WDR47: variants seen among roughly 807,000 people sequenced by gnomAD.
WDR47 encodes WD repeat-containing protein 47.
WDR47 carries 32 observed loss-of-function variants against 97.2 expected under a neutral mutation model. The observed-to-expected ratio is 0.33, with a 90% CI of 0.25 to 0.44. The LOEUF is 0.44. WDR47 is among the 20% of genes least tolerant of loss of function. The pLI, the probability that WDR47 is intolerant of heterozygous loss-of-function variation, is 1.00. For synonymous variants in WDR47, 375 were observed against 373.5 expected, an observed-to-expected ratio of 1.00 and a Z score of -0.05; for missense variants, 782 against 1,102.3, an observed-to-expected ratio of 0.71 and a Z score of 4.11.
intron 2 of WDR47, among the ~76,000 whole-genome samples, chr1:109,019,401 A>AT (rs1661654849): frequency 1.3e-5 from 2 of 150,458 alleles, no homozygotes; most frequent in African/African-American, 4.9e-5. Flanking sequence ...AAAAAAAAAA[A>AT]GCTGGGAGTG....
intron 8 of WDR47, among the ~76,000 whole-genome samples, chr1:108,995,299 T>C (rs746116579): frequency 9.2e-5 from 14 of 152,152 alleles, no homozygotes; most frequent in Non-Finnish European, 1.5e-4. Flanking sequence ...GATTTAGAGA[T>C]CCTAAAACTG....
chr1:109,021,328 G>C (rs1413818464), intron 2 of WDR47, among the ~76,000 whole-genome samples: 1 of 152,036 alleles, frequency 6.6e-6, no homozygotes, highest in East Asian at 1.9e-4. Context: ...AGGAGTTTGA[G>C]ACCAGCCTTG....
intron 8 of WDR47, among the ~76,000 whole-genome samples, chr1:108,994,513 G>A (rs1297953415): frequency 1.3e-5 from 2 of 152,120 alleles, no homozygotes; most frequent in Non-Finnish European, 2.9e-5. Context: ...GGAGGCTGAG[G>A]TAGGAGGATC....
intron 13 of WDR47, among the ~76,000 whole-genome samples, chr1:108,977,984 CAAAAAAAAA>C (rs953176965): frequency 2.8e-5 from 3 of 105,748 alleles, no homozygotes; most frequent in African/African-American, 1.0e-4. Context: ...AACACTCTCT[CAAAAAAAAA>C]AAAAAAAAGA....
intron 1 of WDR47, among the ~76,000 whole-genome samples, chr1:109,025,430 C>CAAA (rs34794200): frequency 2.0e-5 from 2 of 101,780 alleles, no homozygotes; most frequent in Admixed American, 1.1e-4. Flanking sequence ...GACTCTGCCT[C>CAAA]AAAAAAAAAA....
chr1:109,040,752 T>C (rs577511677), intron 1 of WDR47, among the ~76,000 whole-genome samples: 3 of 152,286 alleles, frequency 2.0e-5, no homozygotes, highest in Non-Finnish European at 4.4e-5. Flanking sequence ...AAATGGGCTC[T>C]TAGGCGTTTC....
intron 2 of WDR47, among the ~76,000 whole-genome samples, chr1:109,017,804 T>G (rs536379985): frequency 7.9e-5 from 12 of 151,614 alleles, no homozygotes; most frequent in Admixed American, 7.9e-4. Flanking sequence ...TGGAGTGCAA[T>G]GGCACAATCT....
At chr1:109,038,464 A>C (rs962363767) in intron 1 of WDR47, among the ~76,000 whole-genome samples, 2 of 151,802 alleles carry the variant, frequency 1.3e-5, no homozygotes, top group African/African-American at 4.8e-5. Flanking sequence ...AGGTCACTTG[A>C]GTCTAGGAGT....
At position 108,974,768 on chromosome 1, in the gene WDR47, A is replaced by G. The variant is rs1571126826; in HGVS notation, c.2399-14T>C. 1 of 1,587,600 alleles carries G rather than the reference A, an allele frequency of 6.3e-7. No individual in the cohort carries two copies. The highest frequency in any genetic ancestry group is 1.8e-5 in the Admixed American group (1 of 55,488). ...CCACTGCACTGCCTGTAGTGGTAGG[A>G]ATGAAAGTTTAAATACAGAAAATCA... On this transcript the variant is annotated splice_polypyrimidine_tract_variant and intron_variant, in intron 13 of 14. Transcript: ENST00000369962.
chr1:108,973,187 C>T (rs1657612442), intron 14 of WDR47, among the ~76,000 whole-genome samples: 1 of 151,536 alleles, frequency 6.6e-6, no homozygotes, highest in Non-Finnish European at 1.5e-5. Flanking sequence ...GAGACCTACT[C>T]CAATTATCCT....
At chr1:108,998,832 C>A (rs1182398228) in intron 7 of WDR47, among the ~76,000 whole-genome samples, 1 of 152,148 alleles carries the variant, frequency 6.6e-6, no homozygotes, top group East Asian at 1.9e-4. Context: ...GAGGAAAAAG[C>A]ACATTTTATA....
chr1:108,971,142 T>G lies in WDR47; in HGVS notation c.*288A>C. The G allele has an allele frequency of 6.1e-6, 2 of 327,824 alleles. No homozygotes were observed. Among genetic ancestry groups the G allele is most frequent in the Non-Finnish European group, 1.1e-5 (2 of 178,242 alleles). 20.3% of individuals were successfully genotyped at this position (327,824 alleles called of 1,614,324 possible). On this transcript the variant is annotated 3_prime_UTR_variant, in exon 15 of 15. Transcript: ENST00000369962. ...ATTGAATACTAAACCGTAAACACAT[T>G]GTCCATCCTGACTTGGAGTGCACAC...
chr1:108,993,451 T>C (rs1411146506), intron 8 of WDR47, among the ~76,000 whole-genome samples: 1 of 152,096 alleles, frequency 6.6e-6, no homozygotes, highest in Non-Finnish European at 1.5e-5. Context: ...TAGAATTCTA[T>C]ACCCAGCTAT....
intron 4 of WDR47, among the ~76,000 whole-genome samples, chr1:109,013,021 T>C (rs890345764): frequency 6.6e-6 from 1 of 152,190 alleles, no homozygotes; most frequent in Non-Finnish European, 1.5e-5. Flanking sequence ...ATTGGAAAAG[T>C]AGGGCCTTTG....
chr1:109,010,195 C>T (rs887039727), intron 5 of WDR47, among the ~76,000 whole-genome samples: 2 of 152,004 alleles, frequency 1.3e-5, no homozygotes, highest in African/African-American at 4.8e-5. Context: ...TTTTAATTAT[C>T]AAAAATTTTA....
chr1:108,987,772 C>A (rs951362801), intron 9 of WDR47, among the ~76,000 whole-genome samples: 1 of 151,974 alleles, frequency 6.6e-6, no homozygotes, highest in Non-Finnish European at 1.5e-5. Flanking sequence ...CTGGTTCCAG[C>A]CAATTGTTTT....
chr1:109,026,766 A>G (rs1312836720), intron 1 of WDR47, among the ~76,000 whole-genome samples: 1 of 152,148 alleles, frequency 6.6e-6, no homozygotes, highest in African/African-American at 2.4e-5. Flanking sequence ...TTCAATCTAA[A>G]TATCAGTCCA....
intron 1 of WDR47, among the ~76,000 whole-genome samples, chr1:109,033,631 A>C (rs1259570487): frequency 6.6e-6 from 1 of 152,212 alleles, no homozygotes; most frequent in Non-Finnish European, 1.5e-5. Flanking sequence ...TTAAGAATGT[A>C]AACTGGGGAC....
At chr1:109,034,071 C>G (rs1231726727) in intron 1 of WDR47, among the ~76,000 whole-genome samples, 1 of 152,172 alleles carries the variant, frequency 6.6e-6, no homozygotes, top group Non-Finnish European at 1.5e-5. Flanking sequence ...GGTGGATCAC[C>G]TGAGGTCAGG....
Sources: gnomAD v4.1 joint callset for allele counts (sites outside exome capture counted in the v4.1 genomes callset) on GRCh38, gnomAD v4.1.1 for gene constraint, MANE v1.5 for transcripts, NCBI Gene and HGNC (gene_info 2026-07-23, HGNC 2026-07-21) for gene names.